The following PDE4B variants were observed in gnomAD, a reference collection of about 807,000 sequenced individuals.
PDE4B encodes phosphodiesterase 4B, also known as 3',5'-cyclic-AMP phosphodiesterase 4B.
A neutral mutation model predicts 82.2 loss-of-function variants in PDE4B; 20 were observed. The observed-to-expected ratio is 0.24, with a 90% CI of 0.17 to 0.35. The LOEUF (loss-of-function observed/expected upper bound fraction) is 0.35. Ranked by LOEUF, PDE4B falls within the 10% of genes least tolerant of loss-of-function variation. The probability of loss-of-function intolerance (pLI) is 1.00; values close to 1 mark genes in which losing one functional copy is unlikely to be tolerated. For synonymous variants in PDE4B, 320 were observed against 318.9 expected, an observed-to-expected ratio of 1.00 and a Z score of -0.04; for missense variants, 655 against 907.2, an observed-to-expected ratio of 0.72 and a Z score of 3.57.
chr1:66,188,361 C>T (rs1647381434), intron 3 of PDE4B, among the ~76,000 whole-genome samples: 3 of 151,192 alleles, frequency 2.0e-5, no homozygotes, highest in Non-Finnish European at 4.4e-5. Flanking sequence ...CCACTTGGTG[C>T]AGAGCTGAAT....
chr1:66,146,903 T>G (rs1294915333), intron 3 of PDE4B, among the ~76,000 whole-genome samples: 1 of 152,186 alleles, frequency 6.6e-6, no homozygotes, highest in East Asian at 1.9e-4. Flanking sequence ...CTAAAAATGA[T>G]GGGTAAACAC....
intron 1 of PDE4B, among the ~76,000 whole-genome samples, chr1:65,831,218 CAT>C (rs943708292): frequency 6.6e-6 from 1 of 151,916 alleles, no homozygotes; most frequent in African/African-American, 2.4e-5. Flanking sequence ...AAACTGAAAA[CAT>C]AAATTCAATA....
At chr1:66,056,266 T>C (rs1346869348) in intron 3 of PDE4B, among the ~76,000 whole-genome samples, 1 of 152,130 alleles carries the variant, frequency 6.6e-6, no homozygotes, top group South Asian at 2.1e-4. Flanking sequence ...TTACAGAAGT[T>C]ATGGGGGTTG....
At chr1:66,271,021 G>A (rs914235984) in intron 7 of PDE4B, among the ~76,000 whole-genome samples, 1 of 152,198 alleles carries the variant, frequency 6.6e-6, no homozygotes, top group Non-Finnish European at 1.5e-5. Context: ...AATTGCTTTT[G>A]TCTAAAATAG....
chr1:66,223,177 A>G (rs986160126), intron 3 of PDE4B, among the ~76,000 whole-genome samples: 7 of 152,192 alleles, frequency 4.6e-5, no homozygotes, highest in African/African-American at 1.7e-4. Context: ...ATGAATACAT[A>G]AATAATATAG....
chr1:66,032,996 TCTTCTCTCCCTCGCTTC>T (rs1653874177), intron 3 of PDE4B, among the ~76,000 whole-genome samples: 1 of 152,208 alleles, frequency 6.6e-6, no homozygotes. Flanking sequence ...TTGCTTTGTT[TCTTCTCTCCCTCGCTTC>T]CTTCTCTTCT....
At chr1:66,068,525 T>TC (rs1185543516) in intron 3 of PDE4B, among the ~76,000 whole-genome samples, 55 of 152,064 alleles carry the variant, frequency 3.6e-4, no homozygotes, top group African/African-American at 1.0e-3. Context: ...TGTCCTGTCT[T>TC]CCCCCATCAA....
At chr1:66,041,738 C>T (rs1654384211) in intron 3 of PDE4B, among the ~76,000 whole-genome samples, 1 of 151,550 alleles carries the variant, frequency 6.6e-6, no homozygotes, top group South Asian at 2.1e-4. Context: ...TTTCCTGCTC[C>T]TCTCTTTCTG....
rs150384648 is a variant in PDE4B at position 65,858,582 on chromosome 1, G to A, written c.-70-54663G>A. Among the ~76,000 whole-genome samples, 152 of 152,238 alleles carry A rather than the reference G, an allele frequency of 1.0e-3. 2 individuals carry two copies. Among genetic ancestry groups the A allele is most frequent in the East Asian group, 3.1e-3 (16 of 5,180 alleles). On this transcript the variant is annotated intron_variant, in intron 1 of 16. Transcript: ENST00000341517. ...CGATGTTGATTAAATATTGTATACAGCAATTGGAAATTAGAAAGTGTTAAG... is the reference window on the plus strand; with the variant it reads ...CGATGTTGATTAAATATTGTATACAACAATTGGAAATTAGAAAGTGTTAAG...
chr1:66,318,314 A>G (rs1425296388), intron 7 of PDE4B, among the ~76,000 whole-genome samples: 1 of 152,178 alleles, frequency 6.6e-6, no homozygotes, highest in East Asian at 1.9e-4. Context: ...GCAAAGATTA[A>G]TTAAATATTA....
intron 1 of PDE4B, among the ~76,000 whole-genome samples, chr1:65,848,163 G>A (rs531066497): frequency 3.1e-4 from 47 of 150,544 alleles, no homozygotes; most frequent in Non-Finnish European, 5.5e-4. Context: ...TTTTTGAGAC[G>A]GAGTCTTGCT....
At chr1:66,161,087 C>A (rs185645709) in intron 3 of PDE4B, among the ~76,000 whole-genome samples, 48 of 152,184 alleles carry the variant, frequency 3.2e-4, no homozygotes, top group African/African-American at 1.1e-3. Flanking sequence ...TAGCATACAA[C>A]CCTAAATCTT....
At chr1:66,171,591 G>A (rs1338274179) in intron 3 of PDE4B, among the ~76,000 whole-genome samples, 1 of 152,104 alleles carries the variant, frequency 6.6e-6, no homozygotes, top group East Asian at 1.9e-4. Context: ...GAACAGCCTG[G>A]GTGGTGTGAT....
intron 1 of PDE4B, among the ~76,000 whole-genome samples, chr1:65,877,049 A>G (rs1164258652): frequency 1.3e-5 from 2 of 152,304 alleles, no homozygotes; most frequent in African/African-American, 4.8e-5. Flanking sequence ...CTAGAAAAAA[A>G]CTGTTTTAAA....
intron 8 of PDE4B, among the ~76,000 whole-genome samples, chr1:66,341,416 T>C (rs56751351): frequency 0.023 from 3,538 of 152,298 alleles, 136 homozygotes; most frequent in African/African-American, 0.08. Flanking sequence ...TTACGTTTCT[T>C]GAGTAAAAGG....
chr1:66,135,617 G>A (rs1646041058), intron 3 of PDE4B, among the ~76,000 whole-genome samples: 1 of 152,150 alleles, frequency 6.6e-6, no homozygotes, highest in African/African-American at 2.4e-5. Context: ...AGTTTGGGGT[G>A]CTCAATTTGA....
intron 3 of PDE4B, among the ~76,000 whole-genome samples, chr1:66,169,688 T>C (rs2069278): frequency 0.47 from 70,974 of 152,040 alleles, 19,183 homozygotes; most frequent in African/African-American, 0.73. Flanking sequence ...CTGTGAACTT[T>C]GGCTAAAAGA....
Position 66,227,083 on chromosome 1 carries a change from G to C in PDE4B, c.282-20377G>C, listed in dbSNP as rs575356720. 1.5e-4 allele frequency among the ~76,000 whole-genome samples: 23 copies of C among 152,346 alleles called. No individual in the cohort carries two copies. In the East Asian group the frequency reaches 2.1e-3, roughly 14 times the overall value. The stretch of plus-strand genomic sequence containing the variant: ...CAACAGGCTAGACAAGAGTGTCATT[G>C]ATTGAGAAGGGAAGGACTGAATGAG... On this transcript the variant is annotated intron_variant, in intron 3 of 16. Coordinates refer to ENST00000341517, the MANE Select transcript of PDE4B (RefSeq NM_002600.4).
At chr1:65,904,449 C>T (rs1647005672) in intron 1 of PDE4B, among the ~76,000 whole-genome samples, 1 of 152,086 alleles carries the variant, frequency 6.6e-6, no homozygotes, top group African/African-American at 2.4e-5. Flanking sequence ...TTTACGTTTT[C>T]CAATTTAATG....
Sources: gnomAD v4.1 joint callset for allele counts (sites outside exome capture counted in the v4.1 genomes callset) on GRCh38, gnomAD v4.1.1 for gene constraint, MANE v1.5 for transcripts, NCBI Gene and HGNC (gene_info 2026-07-23, HGNC 2026-07-21) for gene names.